The following GAS2 variants were observed in gnomAD, a reference collection of about 807,000 sequenced individuals.
GAS2 encodes the protein growth arrest specific 2.
In GAS2, 20 loss-of-function variants were observed where a neutral mutation model predicts 37.5. That is an observed-to-expected ratio of 0.53 (90% CI 0.37 to 0.77). GAS2 has a LOEUF of 0.77. Among genes scored for constraint, GAS2 ranks in the 30% least tolerant of loss-of-function variants. The probability of loss-of-function intolerance (pLI) is 0.00; values close to 1 mark genes in which losing one functional copy is unlikely to be tolerated. For missense variants in GAS2, 336 were observed against 373.4 expected (o/e 0.90, Z 0.82); for synonymous variants, 144 against 132.2 (o/e 1.09, Z -0.61).
chr11:22,792,536 TA>T (rs1176725536), intron 7 of GAS2, among the ~76,000 whole-genome samples: 1 of 152,190 alleles, frequency 6.6e-6, no homozygotes, highest in Non-Finnish European at 1.5e-5. Flanking sequence ...GAGGCAAAAG[TA>T]AATTTAAGAG....
chr11:22,646,443 G>C (rs994101684), intron 1 of GAS2, among the ~76,000 whole-genome samples: 8 of 152,076 alleles, frequency 5.3e-5, no homozygotes, highest in African/African-American at 1.9e-4. Context: ...TCTAGCACTT[G>C]AGTTCTACCA....
At chr11:22,691,649 G>A (rs746051855) in intron 3 of GAS2, among the ~76,000 whole-genome samples, 1 of 152,046 alleles carries the variant, frequency 6.6e-6, no homozygotes, top group Non-Finnish European at 1.5e-5. Flanking sequence ...AATATATTAT[G>A]ATGAGATGGG....
At chr11:22,718,073 A>C (rs1479488047) in intron 3 of GAS2, among the ~76,000 whole-genome samples, 2 of 152,150 alleles carry the variant, frequency 1.3e-5, no homozygotes, top group African/African-American at 4.8e-5. Context: ...GATTCCTTAA[A>C]GAACTAAAAG....
At chr11:22,761,144 G>A (rs1028492770) in intron 7 of GAS2, among the ~76,000 whole-genome samples, 2 of 152,080 alleles carry the variant, frequency 1.3e-5, no homozygotes, top group African/African-American at 4.8e-5. Flanking sequence ...CTACTGTCTG[G>A]ATAATATGCC....
chr11:22,760,754 G>A (rs1338421365), intron 7 of GAS2, among the ~76,000 whole-genome samples: 1 of 152,168 alleles, frequency 6.6e-6, no homozygotes, highest in East Asian at 1.9e-4. Flanking sequence ...CAAGGACACA[G>A]AATTATGAGT....
Position 22,808,231 on chromosome 11 carries a change from A to T in GAS2, c.724-3567A>T, listed in dbSNP as rs970392670. 2.0e-5 allele frequency among the ~76,000 whole-genome samples: 3 copies of T among 152,230 alleles called. 1 individual carries two copies. The highest frequency in any genetic ancestry group is 4.8e-5 in the African/African-American group (2 of 41,460). On this transcript the variant is annotated intron_variant, in intron 7 of 7. Transcript: ENST00000454584. ...CTTATCAAAGGAACCTTCACATGAT[A>T]AAGCTAGACTTTGGAGATAGATGTT... is the stretch of plus-strand genomic sequence containing the variant.
chr11:22,736,689 C>T (rs562499140), intron 4 of GAS2, among the ~76,000 whole-genome samples: 23 of 152,118 alleles, frequency 1.5e-4, no homozygotes, highest in Admixed American at 7.9e-4. Flanking sequence ...TAAATTATTA[C>T]GGAATTCTGT....
At chr11:22,632,499 T>C (rs920694965) in intron 1 of GAS2, among the ~76,000 whole-genome samples, 1 of 152,200 alleles carries the variant, frequency 6.6e-6, no homozygotes, top group Non-Finnish European at 1.5e-5. Flanking sequence ...TTCACATTGA[T>C]TTTAGATAGC....
intron 7 of GAS2, among the ~76,000 whole-genome samples, chr11:22,779,177 A>T (rs1264452476): frequency 1.3e-5 from 2 of 152,122 alleles, no homozygotes; most frequent in Non-Finnish European, 2.9e-5. Context: ...AAAATTCTGA[A>T]AAATGGGTCT....
At chr11:22,641,522 T>C (rs1330045526) in intron 1 of GAS2, among the ~76,000 whole-genome samples, 1 of 150,676 alleles carries the variant, frequency 6.6e-6, no homozygotes, top group Non-Finnish European at 1.5e-5. Flanking sequence ...CAGGCCCTTC[T>C]AGAAGTCCTG....
intron 7 of GAS2, among the ~76,000 whole-genome samples, chr11:22,787,039 A>G (rs1855850170): frequency 6.6e-6 from 1 of 152,136 alleles, no homozygotes; most frequent in African/African-American, 2.4e-5. Flanking sequence ...TCATTTCCCC[A>G]CATGAATTCT....
intron 2 of GAS2, among the ~76,000 whole-genome samples, chr11:22,679,804 G>T (rs1051530922): frequency 6.7e-6 from 1 of 149,080 alleles, no homozygotes; most frequent in Non-Finnish European, 1.5e-5. Context: ...TATGTGTTTG[G>T]ATAATGCAGG....
intron 1 of GAS2, among the ~76,000 whole-genome samples, chr11:22,649,126 A>G (rs1333955613): frequency 3.3e-5 from 5 of 151,816 alleles, no homozygotes; most frequent in Admixed American, 6.6e-5. Context: ...TTTAGCATGA[A>G]GGGTTGTTGA....
chr11:22,651,584 A>G (rs528038468), intron 1 of GAS2, among the ~76,000 whole-genome samples: 1 of 152,308 alleles, frequency 6.6e-6, no homozygotes, highest in South Asian at 2.1e-4. Context: ...GTCTTTCCAC[A>G]TAGTCCCATA....
chr11:22,704,465 T>A (rs337457), intron 3 of GAS2, among the ~76,000 whole-genome samples: 142,139 of 150,548 alleles, frequency 0.94, 67,585 homozygotes, highest in East Asian at 1. Flanking sequence ...GATACCAGGA[T>A]CGATTGTAAT....
intron 1 of GAS2, among the ~76,000 whole-genome samples, chr11:22,638,265 T>G (rs1291913121): frequency 6.6e-6 from 1 of 152,152 alleles, no homozygotes; most frequent in Non-Finnish European, 1.5e-5. Context: ...AATAAAATCT[T>G]GTCCAATGGA....
In GAS2 at chr11:22,737,755, C is replaced by A; in HGVS notation, c.460C>A (p.Arg154=). 1 of 1,614,060 alleles carries A rather than the reference C, an allele frequency of 6.2e-7. No homozygotes were observed. The highest frequency in any genetic ancestry group is 2.2e-5 in the East Asian group (1 of 44,868). Residue 154 remains arginine (R), a synonymous_variant, in exon 5 of 8, where the codon CGG becomes AGG. Transcript: ENST00000454584. ...GTGTCTCTGTCTGCTAGAGCTTGGCCGGATTGCAGCCAGGTAGGTCAAACC... is the reference window on the plus strand; with the variant it reads ...GTGTCTCTGTCTGCTAGAGCTTGGCAGGATTGCAGCCAGGTAGGTCAAACC... ...EVCLCLLELG[R]IAARYGVEPP...
At chr11:22,709,334 CAACT>C (rs1301218209) in intron 3 of GAS2, among the ~76,000 whole-genome samples, 3 of 151,896 alleles carry the variant, frequency 2.0e-5, no homozygotes, top group Non-Finnish European at 4.4e-5. Flanking sequence ...TGTGGTGATA[CAACT>C]AATAGTCAAC....
chr11:22,731,012 A>G (rs1434537259), intron 4 of GAS2, among the ~76,000 whole-genome samples: 1 of 151,820 alleles, frequency 6.6e-6, no homozygotes, highest in Non-Finnish European at 1.5e-5. Context: ...TCAAGCTTAA[A>G]AAGAGTTTTC....
Sources: allele counts gnomAD v4.1 joint callset (sites outside exome capture counted in the v4.1 genomes callset), GRCh38; gene constraint gnomAD v4.1.1; transcripts MANE v1.5; gene names NCBI Gene and HGNC (gene_info 2026-07-23, HGNC 2026-07-21).